Variants in PDE8A observed in about 807,000 individuals in gnomAD.
The protein encoded by PDE8A is high affinity cAMP-specific and IBMX-insensitive 3',5'-cyclic phosphodiesterase 8A.
PDE8A carries 59 observed loss-of-function variants against 105.0 expected under a neutral mutation model. That is an observed-to-expected ratio of 0.56 (90% CI 0.46 to 0.70). PDE8A has a LOEUF of 0.70. Ranked by LOEUF, PDE8A falls within the 30% of genes least tolerant of loss-of-function variation. The probability of loss-of-function intolerance (pLI) is 0.00; values close to 1 mark genes in which losing one functional copy is unlikely to be tolerated. For missense variants in PDE8A, 1,014 were observed against 1,045.9 expected, an observed-to-expected ratio of 0.97 and a Z score of 0.42; for synonymous variants, 355 against 371.9, an observed-to-expected ratio of 0.95 and a Z score of 0.52.
intron 9 of PDE8A, 60 bp from the exon 10 acceptor site, chr15:85,099,955 C>A: frequency 2.2e-6 from 3 of 1,371,040 alleles, no homozygotes; most frequent in Non-Finnish European, 3.1e-6. Context: ...GAAAAATTAA[C>A]GACATATCCA....
chr15:85,030,619 C>T (rs2080598340), intron 1 of PDE8A, among the ~76,000 whole-genome samples: 1 of 152,200 alleles, frequency 6.6e-6, no homozygotes, highest in Admixed American at 6.5e-5. Flanking sequence ...CCTCTGCAGC[C>T]TCATCTACTG....
intron 1 of PDE8A, among the ~76,000 whole-genome samples, chr15:84,995,315 AC>A (rs1287070972): frequency 1.8e-5 from 2 of 111,646 alleles, no homozygotes; most frequent in Non-Finnish European, 3.8e-5. Context: ...CACAGTATGT[AC>A]CTTTTTTTTT....
At chr15:85,066,603 C>CACACACACAT (rs1555472848) in intron 2 of PDE8A, among the ~76,000 whole-genome samples, 23 of 66,372 alleles carry the variant, frequency 3.5e-4, no homozygotes, top group African/African-American at 2.4e-3. Flanking sequence ...CACACACACA[C>CACACACACAT]ACACACACAC....
At chr15:85,043,180 C>T (rs1415396822) in intron 1 of PDE8A, among the ~76,000 whole-genome samples, 1 of 152,154 alleles carries the variant, frequency 6.6e-6, no homozygotes, top group African/African-American at 2.4e-5. Flanking sequence ...GAGAGGCATG[C>T]TGCTAATTTG....
chr15:84,992,585 C>G (rs1170758840), intron 1 of PDE8A, among the ~76,000 whole-genome samples: 1 of 152,042 alleles, frequency 6.6e-6, no homozygotes, highest in African/African-American at 2.4e-5. Flanking sequence ...TGAGGGACAG[C>G]TAGAGGTGGG....
intron 9 of PDE8A, 135 bp downstream of exon 9, chr15:85,098,171 A>T (rs2081792287): frequency 1.5e-6 from 1 of 661,552 alleles, no homozygotes; most frequent in Non-Finnish European, 2.7e-6. Context: ...GCCTTCCAGC[A>T]TAGTGTTTTC....
At chr15:85,027,394 A>G (rs2080536006) in intron 1 of PDE8A, among the ~76,000 whole-genome samples, 1 of 152,206 alleles carries the variant, frequency 6.6e-6, no homozygotes, top group Non-Finnish European at 1.5e-5. Flanking sequence ...TCGCCTGAGC[A>G]AGGTGGTGTC....
rs762035707 is a variant in PDE8A, at chr15:85,033,475, C to G, written c.187-30895C>G. On this transcript the variant is annotated intron_variant, in intron 1 of 21. Transcript: ENST00000394553. Reference sequence around the variant, plus strand: ...AGGCTCAAGAATACCTTCCCCAACCCTGTGTGCATATATACACACAGGCTT... The same window carrying G: ...AGGCTCAAGAATACCTTCCCCAACCGTGTGTGCATATATACACACAGGCTT... Among the ~76,000 whole-genome samples, 9 of 152,222 alleles carry G rather than the reference C, an allele frequency of 5.9e-5. No individual in the cohort carries two copies. In the South Asian group the frequency reaches 8.3e-4, roughly 14 times the overall value.
chr15:85,077,809 A>G (rs1193924600), intron 5 of PDE8A, among the ~76,000 whole-genome samples: 1 of 152,226 alleles, frequency 6.6e-6, no homozygotes, highest in Non-Finnish European at 1.5e-5. Flanking sequence ...TAAAAGTGGC[A>G]TAGCAAATTT....
intron 1 of PDE8A, among the ~76,000 whole-genome samples, chr15:84,992,523 T>C (rs533937738): frequency 6.6e-6 from 1 of 152,242 alleles, no homozygotes; most frequent in South Asian, 2.1e-4. Context: ...AGTCAAAGGA[T>C]AAACATGTTT....
chr15:85,116,329 T>C (rs2082097187), intron 16 of PDE8A: 2 of 545,352 alleles, frequency 3.7e-6, no homozygotes, highest in East Asian at 2.9e-5. Flanking sequence ...ATGGAAAGCA[T>C]GCAACTGAGC....
chr15:85,095,892 T>TTTTTTG (rs1278076336), intron 8 of PDE8A, among the ~76,000 whole-genome samples: 1 of 149,334 alleles, frequency 6.7e-6, no homozygotes, highest in African/African-American at 2.5e-5. Flanking sequence ...TATATATATA[T>TTTTTTG]TTTTTGTTTT....
At chr15:85,113,310 C>A in intron 12 of PDE8A, 67 bp from the exon 13 acceptor site, 2 of 1,275,398 alleles carry the variant, frequency 1.6e-6, no homozygotes, top group Non-Finnish European at 2.3e-6. Flanking sequence ...GCACACTGAG[C>A]CCTCTGCTGT....
chr15:85,084,522 T>TC (rs915631205), intron 6 of PDE8A, among the ~76,000 whole-genome samples: 6 of 152,196 alleles, frequency 3.9e-5, no homozygotes, highest in African/African-American at 7.2e-5. Context: ...CCTGCTTTTT[T>TC]CCCACTCCTG....
chr15:85,072,890 A>G (rs554810800), intron 3 of PDE8A, among the ~76,000 whole-genome samples: 67 of 152,312 alleles, frequency 4.4e-4, no homozygotes, highest in South Asian at 4.1e-4. Flanking sequence ...AGGCAGGCAG[A>G]TTGCTTGAGC....
intron 1 of PDE8A, among the ~76,000 whole-genome samples, chr15:85,013,182 A>C (rs149249989): frequency 6.6e-6 from 1 of 152,348 alleles, no homozygotes; most frequent in East Asian, 1.9e-4. Context: ...TAGTATTTAC[A>C]TACAAAATTC....
chr15:85,008,729 A>T (rs2080189952), intron 1 of PDE8A, among the ~76,000 whole-genome samples: 1 of 151,958 alleles, frequency 6.6e-6, no homozygotes, highest in South Asian at 2.1e-4. Flanking sequence ...TCCCTCCTCT[A>T]GTCTGCCTGA....
At chr15:85,068,639 A>C (rs1475855773) in intron 3 of PDE8A, among the ~76,000 whole-genome samples, 1 of 148,154 alleles carries the variant, frequency 6.7e-6, no homozygotes, top group Non-Finnish European at 1.5e-5. Flanking sequence ...CTTGGTAGTC[A>C]TGGTGGAATG....
At chr15:85,063,126 T>C (rs1334717657) in intron 1 of PDE8A, 1 of 152,208 alleles carries the variant, frequency 6.6e-6, no homozygotes, top group Non-Finnish European at 1.5e-5. Context: ...GAGATAAAAT[T>C]ATTGCAGAGC....
Sources: allele counts gnomAD v4.1 joint callset (sites outside exome capture counted in the v4.1 genomes callset), GRCh38; gene constraint gnomAD v4.1.1; transcripts MANE v1.5; gene names NCBI Gene and HGNC (gene_info 2026-07-23, HGNC 2026-07-21).